SRPK2: variants seen among roughly 807,000 people sequenced by gnomAD.
The protein encoded by SRPK2 is SFRS protein kinase 2.
SRPK2 carries 21 observed loss-of-function variants against 90.8 expected under a neutral mutation model. The ratio of observed to expected loss-of-function variants is 0.23; its 90% CI spans 0.16 to 0.33. SRPK2 has a LOEUF of 0.33. Ranked by LOEUF, SRPK2 falls within the 10% of genes least tolerant of loss-of-function variation. The pLI, the probability that SRPK2 is intolerant of heterozygous loss-of-function variation, is 1.00. For synonymous variants in SRPK2, 288 were observed against 311.1 expected (o/e 0.93, Z 0.78); for missense variants, 620 against 869.0 (o/e 0.71, Z 3.60).
chr7:105,398,611 C>G (rs1013271478), intron 1 of SRPK2, among the ~76,000 whole-genome samples: 1 of 152,082 alleles, frequency 6.6e-6, no homozygotes, highest in African/African-American at 2.4e-5. Context: ...CAGGCTGGCC[C>G]AAGCCTCCTT....
In SRPK2 at chr7:105,302,222, G is replaced by A. The variant is rs1453098364; in HGVS notation, c.71+86426C>T. On this transcript the variant is annotated intron_variant, in intron 2 of 15. Transcript: ENST00000393651. ...GTATGTTTCTTACATTAAAAAGGTT[G>A]TAAGTTGAAAGTTCATGAAGAGATC... The A allele has an allele frequency of 1.5e-4, 107 of 727,264 alleles. No individual in the cohort carries two copies. The East Asian group carries it at 2.4e-3, about 16-fold the overall frequency. 45.1% of individuals were successfully genotyped at this position (727,264 alleles called of 1,614,324 possible).
intron 3 of SRPK2, among the ~76,000 whole-genome samples, chr7:105,192,836 G>A (rs1475805942): frequency 6.6e-6 from 1 of 152,102 alleles, no homozygotes; most frequent in Non-Finnish European, 1.5e-5. Context: ...TTGGCCATCT[G>A]TATATCTTCT....
intron 2 of SRPK2, among the ~76,000 whole-genome samples, chr7:105,230,248 A>G (rs1371202943): frequency 1.3e-5 from 2 of 152,220 alleles, no homozygotes; most frequent in African/African-American, 4.8e-5. Context: ...AGACTTTGAC[A>G]GAGATGGAGG....
intron 2 of SRPK2, among the ~76,000 whole-genome samples, chr7:105,276,100 G>T: frequency 6.6e-6 from 1 of 151,340 alleles, no homozygotes; most frequent in South Asian, 2.1e-4. Flanking sequence ...TTTTTTTAGA[G>T]GGACAGAGTC....
rs547208050 is a variant in SRPK2 at position 105,179,217 on chromosome 7, T to C, written c.230-9952A>G. 5.3e-5 allele frequency among the ~76,000 whole-genome samples: 8 copies of C among 152,306 alleles called. No individual in the cohort carries two copies. In the South Asian group the frequency reaches 1.5e-3, roughly 28 times the overall value. On this transcript the variant is annotated intron_variant, in intron 3 of 15. Coordinates refer to ENST00000393651, the MANE Select transcript of SRPK2 (RefSeq NM_182692.3). ...TATGCTTGAATTCAGGGATGTCGAT[T>C]TGAATATCAGCATTGGCATTTACTA...
chr7:105,280,841 G>A (rs1256290379), intron 2 of SRPK2, among the ~76,000 whole-genome samples: 1 of 148,130 alleles, frequency 6.8e-6, no homozygotes, highest in Non-Finnish European at 1.5e-5. Flanking sequence ...CAGCTACTCA[G>A]GAGGCTGACG....
At chr7:105,307,330 T>C (rs979809447) in intron 2 of SRPK2, among the ~76,000 whole-genome samples, 1 of 151,748 alleles carries the variant, frequency 6.6e-6, no homozygotes, top group Non-Finnish European at 1.5e-5. Flanking sequence ...TTCTATGACG[T>C]TTTTAAAAGG....
chr7:105,283,967 G>A (rs1807689042), intron 2 of SRPK2, among the ~76,000 whole-genome samples: 1 of 152,064 alleles, frequency 6.6e-6, no homozygotes, highest in African/African-American at 2.4e-5. Context: ...TTCAACCTGG[G>A]AGACAGGCTG....
chr7:105,194,022 A>G (rs1794619426), intron 3 of SRPK2, among the ~76,000 whole-genome samples: 1 of 152,198 alleles, frequency 6.6e-6, no homozygotes, highest in African/African-American at 2.4e-5. Context: ...TATTGCAAAG[A>G]GCTTCTCCCA....
rs539152561 is a variant in SRPK2, at chr7:105,396,104, G to A, written n.153+3052C>T. Reference sequence around the variant, plus strand: ...CTAATTTTGTATTTTTAGTAGAGACGGGGTTTCTCCGTGTTGGACAGGCTG... The same window carrying A: ...CTAATTTTGTATTTTTAGTAGAGACAGGGTTTCTCCGTGTTGGACAGGCTG... On this transcript the variant is annotated intron_variant and non_coding_transcript_variant, in intron 1 of 3. Transcript: ENST00000462282. 2.0e-5 allele frequency among the ~76,000 whole-genome samples: 3 copies of A among 151,686 alleles called. No individual in the cohort carries two copies. In the East Asian group the frequency reaches 5.9e-4, roughly 30 times the overall value.
intron 2 of SRPK2, among the ~76,000 whole-genome samples, chr7:105,329,424 C>T (rs1373065109): frequency 6.6e-6 from 1 of 151,928 alleles, no homozygotes; most frequent in Non-Finnish European, 1.5e-5. Context: ...ACTAAGAATG[C>T]TGGGAAACAA....
chr7:105,164,375 G>T (rs998534628), intron 6 of SRPK2, among the ~76,000 whole-genome samples: 3 of 152,136 alleles, frequency 2.0e-5, no homozygotes, highest in Non-Finnish European at 4.4e-5. Flanking sequence ...CTCATCAAAC[G>T]AGGGCAATTT....
At chr7:105,238,906 G>A (rs1436919352) in intron 2 of SRPK2, among the ~76,000 whole-genome samples, 1 of 151,954 alleles carries the variant, frequency 6.6e-6, no homozygotes, top group African/African-American at 2.4e-5. Flanking sequence ...TTCCAAAATG[G>A]ACAACTTGAC....
In SRPK2 at chr7:105,236,109, T is replaced by C. The variant is rs373393006; in HGVS notation, c.72-32324A>G. Reference sequence around the variant, plus strand: ...TTCCATCCCTGTGTTTCTGATTCCATAGGAATGGGGTAGGGTCTGAGAAGG... The same window carrying C: ...TTCCATCCCTGTGTTTCTGATTCCACAGGAATGGGGTAGGGTCTGAGAAGG... On this transcript the variant is annotated intron_variant, in intron 2 of 15. Transcript: ENST00000393651. Among the ~76,000 whole-genome samples the C allele has an allele frequency of 8.5e-5, 13 of 152,286 alleles. No homozygotes were observed. The East Asian group carries it at 1.7e-3, about 20-fold the overall frequency.
At chr7:105,379,618 C>T (rs1339077638) in intron 2 of SRPK2, among the ~76,000 whole-genome samples, 1 of 152,154 alleles carries the variant, frequency 6.6e-6, no homozygotes. Flanking sequence ...GTTTTATATA[C>T]TGATCTACAT....
chr7:105,148,445 T>C (rs775094884), intron 7 of SRPK2, among the ~76,000 whole-genome samples: 12 of 152,236 alleles, frequency 7.9e-5, no homozygotes, highest in Non-Finnish European at 1.2e-4. Context: ...TCTATAATTA[T>C]TTCCACTGGA....
Position 105,331,308 on chromosome 7 carries a change from C to CAAAAAAAAAAAAAAAAAAAA in SRPK2, c.71+57320_71+57339dup, listed in dbSNP as rs57653042. Among the ~76,000 whole-genome samples the CAAAAAAAAAAAAAAAAAAAA allele has an allele frequency of 1.1e-4, 5 of 45,104 alleles. 1 individual carries two copies. Among genetic ancestry groups the CAAAAAAAAAAAAAAAAAAAA allele is most frequent in the African/African-American group, 3.4e-4 (3 of 8,858 alleles). The allele number at this position is 45,104 out of a possible 152,430, so 29.6% of individuals were successfully genotyped here. A position where few individuals can be genotyped will look rare whatever the true frequency, so the allele number is the denominator to read the frequency against. Reference sequence around the variant, plus strand: ...TGGGCGACAGAGCGAGACTCCGTCTCAAAAAAAAAAAAAAAAAAAAAAAAA... The same window carrying CAAAAAAAAAAAAAAAAAAAA: ...TGGGCGACAGAGCGAGACTCCGTCTCAAAAAAAAAAAAAAAAAAAAAAAAAAAAAAAAAAAAAAAAAAAAA... On this transcript the variant is annotated intron_variant, in intron 2 of 15. Coordinates refer to ENST00000393651, the MANE Select transcript of SRPK2 (RefSeq NM_182692.3).
intron 2 of SRPK2, among the ~76,000 whole-genome samples, chr7:105,348,275 T>G (rs1487358798): frequency 6.6e-6 from 1 of 151,824 alleles, no homozygotes; most frequent in African/African-American, 2.4e-5. Flanking sequence ...TTCTCCATGT[T>G]GGTCAGACTG....
intron 6 of SRPK2, among the ~76,000 whole-genome samples, chr7:105,165,586 A>G (rs1474460873): frequency 1.3e-5 from 2 of 152,134 alleles, no homozygotes; most frequent in Non-Finnish European, 2.9e-5. Context: ...GTCTGTGTCT[A>G]AAGGATTGTA....
Sources: gnomAD v4.1 joint callset for allele counts (sites outside exome capture counted in the v4.1 genomes callset) on GRCh38, gnomAD v4.1.1 for gene constraint, MANE v1.5 for transcripts, NCBI Gene and HGNC (gene_info 2026-07-23, HGNC 2026-07-21) for gene names.